Variants in PCCA observed in about 807,000 individuals in gnomAD.
PCCA encodes the protein propionyl-CoA carboxylase alpha chain, mitochondrial.
PCCA carries 74 observed loss-of-function variants against 101.3 expected under a neutral mutation model. The observed-to-expected ratio is 0.73, with a 90% CI of 0.61 to 0.89. PCCA has a LOEUF of 0.89. Ranked by LOEUF, PCCA falls within the 40% of genes least tolerant of loss-of-function variation. The pLI is 0.00. For missense variants in PCCA, 891 were observed against 907.0 expected (o/e 0.98, Z 0.23); for synonymous variants, 294 against 313.6 (o/e 0.94, Z 0.66).
chr13:100,273,527 A>G (rs919746320), intron 12 of PCCA, among the ~76,000 whole-genome samples, 181 bp downstream of exon 12: 2 of 152,188 alleles, frequency 1.3e-5, no homozygotes, highest in Admixed American at 1.3e-4. Flanking sequence ...CTAAAGTTCA[A>G]TGTCTAGACC....
chr13:100,376,805 G>T (rs1321876213), intron 19 of PCCA, among the ~76,000 whole-genome samples: 11 of 152,172 alleles, frequency 7.2e-5, no homozygotes, highest in Admixed American at 7.2e-4. Context: ...CGTTTCCAGG[G>T]GAGTGAATGG....
At chr13:100,226,600 T>C (rs570590693) in intron 7 of PCCA, among the ~76,000 whole-genome samples, 11 of 152,358 alleles carry the variant, frequency 7.2e-5, no homozygotes, top group Middle Eastern at 6.8e-3. Context: ...AATACCGAGT[T>C]CGTAGATCGT....
intron 19 of PCCA, among the ~76,000 whole-genome samples, chr13:100,417,376 C>T (rs1180445443): frequency 6.6e-6 from 1 of 152,210 alleles, no homozygotes; most frequent in Non-Finnish European, 1.5e-5. Flanking sequence ...ACACTCCGTG[C>T]TCCATGTCTT....
chr13:100,203,090 A>T (rs903165942), intron 6 of PCCA, among the ~76,000 whole-genome samples: 2 of 151,622 alleles, frequency 1.3e-5, no homozygotes, highest in Non-Finnish European at 1.5e-5. Flanking sequence ...GGCCAACATA[A>T]TGAAACTCCG....
At chr13:100,275,828 C>A (rs535381112) in intron 12 of PCCA, among the ~76,000 whole-genome samples, 1 of 152,242 alleles carries the variant, frequency 6.6e-6, no homozygotes, top group East Asian at 1.9e-4. Context: ...TGTCTTTTCA[C>A]CTGAGCTGCC....
intron 4 of PCCA, chr13:100,150,519 T>A: frequency 7.3e-7 from 1 of 1,367,418 alleles, no homozygotes; most frequent in Non-Finnish European, 1.0e-6. Flanking sequence ...TTGCGCCTTC[T>A]CCAAGCTCCC....
At chr13:100,355,894 A>T (rs2073910757) in intron 18 of PCCA, among the ~76,000 whole-genome samples, 1 of 152,182 alleles carries the variant, frequency 6.6e-6, no homozygotes, top group Non-Finnish European at 1.5e-5. Flanking sequence ...TAATCAAGAC[A>T]AAGTGGTACT....
At chr13:100,246,242 T>G (rs557421424) in intron 8 of PCCA, among the ~76,000 whole-genome samples, 1 of 152,296 alleles carries the variant, frequency 6.6e-6, no homozygotes, top group Admixed American at 6.5e-5. Flanking sequence ...TTTTTCATGA[T>G]TGTTCATTTC....
chr13:100,167,950 A>G (rs1325762825), intron 6 of PCCA, among the ~76,000 whole-genome samples: 1 of 152,122 alleles, frequency 6.6e-6, no homozygotes, highest in Non-Finnish European at 1.5e-5. Flanking sequence ...AACTCTTAAA[A>G]ATACTTTGTC....
intron 6 of PCCA, among the ~76,000 whole-genome samples, chr13:100,163,221 T>G (rs1012233908): frequency 3.7e-4 from 56 of 152,172 alleles, no homozygotes; most frequent in African/African-American, 1.3e-3. Context: ...TTTTTCCCTT[T>G]GCTTGAGGTT....
chr13:100,340,193 T>C lies in PCCA; in HGVS notation c.1577T>C (p.Leu526Ser). ...ACCAAGAGTGAGAAGAACCAGTTAT[T>C]GGCAATAGCATCATCATTGTTTGTG... Reference protein sequence around the residue: ...MLTKSEKNQLLAIASSLFVAF... With the variant: ...MLTKSEKNQLSAIASSLFVAF... The change falls in exon 18 of 24, where the codon TTG becomes TCG. Residue 526 changes from leucine (L) to serine (S), a missense_variant. Physicochemically the swap from Leu to Ser is moderately radical, Grantham distance 145 (BLOSUM62 -2). Coordinates refer to ENST00000376285, the MANE Select transcript of PCCA (RefSeq NM_000282.4). The C allele has an allele frequency of 6.2e-7, 1 of 1,610,542 alleles. No individual in the cohort carries two copies. Among genetic ancestry groups the C allele is most frequent in the Middle Eastern group, 1.7e-4 (1 of 6,050 alleles).
At chr13:100,122,088 T>A (rs1025287491) in intron 4 of PCCA, among the ~76,000 whole-genome samples, 1 of 152,216 alleles carries the variant, frequency 6.6e-6, no homozygotes, top group African/African-American at 2.4e-5. Context: ...TTCAAATGCT[T>A]TTTCTGTGTT....
chr13:100,176,015 A>G (rs1195198930), intron 6 of PCCA, among the ~76,000 whole-genome samples: 2 of 152,202 alleles, frequency 1.3e-5, no homozygotes, highest in Non-Finnish European at 2.9e-5. Context: ...ATCGTTATGC[A>G]ATGAGTTTTC....
intron 17 of PCCA, among the ~76,000 whole-genome samples, chr13:100,332,416 A>G (rs2152738215): frequency 6.6e-6 from 1 of 152,292 alleles, no homozygotes; most frequent in Non-Finnish European, 1.5e-5. Context: ...AGTGATGGTG[A>G]TAAGATAGGA....
chr13:100,429,913 A>G (rs2152900050), intron 20 of PCCA, among the ~76,000 whole-genome samples: 1 of 152,054 alleles, frequency 6.6e-6, no homozygotes, highest in South Asian at 2.1e-4. Context: ...AGCCAAAAAT[A>G]TTTATTATAT....
chr13:100,343,851 G>C (rs2071766759), intron 18 of PCCA, among the ~76,000 whole-genome samples: 1 of 152,246 alleles, frequency 6.6e-6, no homozygotes, highest in Admixed American at 6.5e-5. Context: ...AAGGCGGACT[G>C]ATCACATGAG....
At chr13:100,517,700 T>C (rs536346946) in intron 22 of PCCA, among the ~76,000 whole-genome samples, 8 of 152,282 alleles carry the variant, frequency 5.3e-5, no homozygotes, top group African/African-American at 1.9e-4. Flanking sequence ...TTGCTTTTAT[T>C]TGTCTTTTTT....
At chr13:100,209,583 C>A in intron 7 of PCCA, 120 bp downstream of exon 7, 2 of 754,220 alleles carry the variant, frequency 2.7e-6, no homozygotes, top group East Asian at 2.6e-5. Context: ...CACATATGCA[C>A]GCACATACAT....
intron 22 of PCCA, among the ~76,000 whole-genome samples, chr13:100,525,403 A>C (rs1040082604): frequency 6.6e-6 from 1 of 152,208 alleles, no homozygotes; most frequent in Non-Finnish European, 1.5e-5. Flanking sequence ...CCACATTAGA[A>C]GCACAGAGCC....
Sources: gnomAD v4.1 joint callset for allele counts (sites outside exome capture counted in the v4.1 genomes callset) on GRCh38, gnomAD v4.1.1 for gene constraint, MANE v1.5 for transcripts, NCBI Gene and HGNC (gene_info 2026-07-23, HGNC 2026-07-21) for gene names.